The following P2RX4 variants were observed in gnomAD, a reference collection of about 807,000 sequenced individuals.
The protein encoded by P2RX4 is purinergic receptor P2X 4.
A neutral mutation model predicts 48.0 loss-of-function variants in P2RX4; 37 were observed. That is an observed-to-expected ratio of 0.77 (90% CI 0.59 to 1.01). P2RX4 has a LOEUF of 1.01. P2RX4 is among the 50% of genes least tolerant of loss of function. The pLI, the probability that P2RX4 is intolerant of heterozygous loss-of-function variation, is 0.00. For missense variants in P2RX4, 501 were observed against 521.4 expected (o/e 0.96, Z 0.38); for synonymous variants, 200 against 199.7 (o/e 1.00, Z -0.01).
chr12:121,229,033 G>C lies in P2RX4; in HGVS notation c.818G>C (p.Arg273Thr). Residue 273 changes from arginine to threonine, a missense_variant, in exon 8 of 12, where the codon AGG becomes ACG. By Grantham distance (71) the Arg-to-Thr change is moderately conservative. Transcript: ENST00000337233. This position sits in a 1 kb window ranked among gnomAD's most constrained non-coding sequence, Gnocchi z 4.6. ...LDRAASLCLP[R>T]YSFRRLDTRD... The stretch of plus-strand genomic sequence containing the variant: ...AGAGCCGCCTCCCTCTGCTTGCCCA[G>C]GTACTCCTTCCGCCGCCTCGATACA... 6.2e-7 allele frequency: 1 copy of C among 1,614,088 alleles called. No individual in the cohort carries two copies. The highest frequency in any genetic ancestry group is 2.2e-5 in the East Asian group (1 of 44,868).
At chr12:121,222,888 G>C (rs1207580901) in intron 4 of P2RX4, 59 bp from the exon 5 acceptor site, 3 of 1,463,848 alleles carry the variant, frequency 2.0e-6, no homozygotes, top group Non-Finnish European at 2.8e-6. Flanking sequence ...ACTCCAAAAA[G>C]GTAGAAAATA....
chr12:121,215,876 T>A (rs1010055616), intron 1 of P2RX4: 2 of 152,146 alleles, frequency 1.3e-5, no homozygotes, highest in African/African-American at 4.8e-5. Context: ...GTAGTCATAG[T>A]CCCACTTCAG....
chr12:121,222,388 GT>G, intron 4 of P2RX4: 1 of 541,182 alleles, frequency 1.8e-6, no homozygotes, highest in Non-Finnish European at 3.2e-6. Flanking sequence ...TGTTGTTGTT[GT>G]TTTTTCTTGT....
In P2RX4 at chr12:121,233,522, G is replaced by T; in HGVS notation, c.1141-1G>T. 2 of 1,608,046 alleles carry T rather than the reference G, an allele frequency of 1.2e-6. No individual in the cohort carries two copies. The highest frequency in any genetic ancestry group is 2.2e-5 in the South Asian group (2 of 89,864). On this transcript the variant is annotated splice_acceptor_variant, in intron 11 of 11. Transcript: ENST00000337233. LOFTEE classifies it high-confidence loss of function. ...TGATCTGCTTGTGTCCTTCTTTGCA[G>T]GGTCTTGCTAGTGAGCTGGACCAGT...
At position 121,229,447 on chromosome 12, in the gene P2RX4, C is replaced by T. The variant is rs1202921460; in HGVS notation, c.884+348C>T. 1.3e-5 allele frequency among the ~76,000 whole-genome samples: 2 copies of T among 152,210 alleles called. No individual in the cohort carries two copies. Among genetic ancestry groups the T allele is most frequent in the African/African-American group, 4.8e-5 (2 of 41,466 alleles). Reference sequence around the variant, plus strand: ...TCAAGGAGCGGATGATCTTGTGATCCTCCAGTCCAAAGGCCTCTGGGGCCT... The same window carrying T: ...TCAAGGAGCGGATGATCTTGTGATCTTCCAGTCCAAAGGCCTCTGGGGCCT... On this transcript the variant is annotated intron_variant, in intron 8 of 11. Transcript: ENST00000337233. This position sits in a 1 kb window ranked among gnomAD's most constrained non-coding sequence, Gnocchi z 4.6.
intron 5 of P2RX4, among the ~76,000 whole-genome samples, chr12:121,225,412 T>C (rs2942070): frequency 6.6e-6 from 1 of 150,476 alleles, no homozygotes; most frequent in African/African-American, 2.4e-5. Flanking sequence ...TATTTATTTG[T>C]ATTTATTTAT....
chr12:121,228,423 GACAC>G (rs571585680), intron 5 of P2RX4, 106 bp from the exon 6 acceptor site: 1,017 of 445,704 alleles, frequency 2.3e-3, no homozygotes, highest in Middle Eastern at 3.2e-3. Context: ...CACACACACA[GACAC>G]ACACACACAA....
rs372659517 is a variant in P2RX4, at chr12:121,222,375, TG to T, written c.427+210del. 3.3e-3 allele frequency: 1,738 copies of T among 524,034 alleles called. 1 individual carries two copies. The highest frequency in any genetic ancestry group is 4.9e-3 in the South Asian group (191 of 39,062). The allele number at this position is 524,034 out of a possible 1,614,324, so 32.5% of individuals were successfully genotyped here. A position where few individuals can be genotyped will look rare whatever the true frequency, so the allele number is the denominator to read the frequency against. On this transcript the variant is annotated intron_variant, in intron 4 of 11. Transcript: ENST00000337233. ...GCTCTTGCCCTACTGTTTTTTTTTT[TG>T]TTGTTGTTGTTGTTTTTTCTTGTTT...
chr12:121,229,166 G>C lies in P2RX4; in HGVS notation c.884+67G>C, dbSNP rs918346257. On this transcript the variant is annotated intron_variant, in intron 8 of 11. Coordinates refer to ENST00000337233, the MANE Select transcript of P2RX4 (RefSeq NM_002560.3). This position sits in a 1 kb window ranked among gnomAD's most constrained non-coding sequence, Gnocchi z 4.6. The stretch of plus-strand genomic sequence containing the variant: ...GCTGGTGGCTGCGTACGTGCCAGTG[G>C]GCCGCCCACTGAAGACCAGCACTCA... 6.7e-5 allele frequency: 107 copies of C among 1,589,712 alleles called. No individual in the cohort carries two copies. Among genetic ancestry groups the C allele is most frequent in the Non-Finnish European group, 8.1e-5 (94 of 1,159,376 alleles).
chr12:121,212,893 A>G (rs1238832068), intron 1 of P2RX4: 1 of 139,314 alleles, frequency 7.2e-6, no homozygotes, highest in Non-Finnish European at 1.5e-5. Flanking sequence ...TTGGACCTGA[A>G]GCATTTGGGG....
chr12:121,213,263 C>T (rs1399407096), intron 1 of P2RX4: 1 of 151,782 alleles, frequency 6.6e-6, no homozygotes, highest in Admixed American at 6.6e-5. Flanking sequence ...CTTGCCTCTA[C>T]AAAAAAATAC....
chr12:121,224,616 T>TA (rs1281862711), intron 5 of P2RX4, among the ~76,000 whole-genome samples: 1 of 151,430 alleles, frequency 6.6e-6, no homozygotes, highest in East Asian at 1.9e-4. Flanking sequence ...AATAAAAATT[T>TA]AAAAAAATAA....
rs373925289 is a variant in P2RX4 at position 121,210,227 on chromosome 12, G to A, written c.63G>A (p.Val21=). The change falls in exon 1 of 12, where the codon GTG becomes GTA. Residue 21 remains valine, a synonymous_variant. Transcript: ENST00000337233. The part of the protein sequence containing the change: ...FLFEYDTPRI[V]LIRSRKVGLM... ...TCGAGTACGACACGCCGCGCATCGT[G>A]CTCATCCGCAGCCGCAAAGTGGGGC... 2.8e-5 allele frequency: 43 copies of A among 1,562,156 alleles called. No individual in the cohort carries two copies. The highest frequency in any genetic ancestry group is 3.4e-5 in the Non-Finnish European group (39 of 1,158,662).
intron 5 of P2RX4, among the ~76,000 whole-genome samples, chr12:121,226,188 T>A (rs149478937): frequency 2.0e-5 from 3 of 152,234 alleles, no homozygotes; most frequent in African/African-American, 7.2e-5. Context: ...TATACTTTTA[T>A]TGGACATCAC....
rs1887538027 is a variant in P2RX4 at position 121,233,870 on chromosome 12, C to CCTGTCTCCAG, written c.*324_*333dup. ...TGGAGCTGGCTTTGCTCAGAAGCCTCCTGTCTCCAGCTCTCTCCAGGACAG... is the reference window on the plus strand; with the variant it reads ...TGGAGCTGGCTTTGCTCAGAAGCCTCCTGTCTCCAGCTGTCTCCAGCTCTCTCCAGGACAG... On this transcript the variant is annotated 3_prime_UTR_variant, in exon 12 of 12. Coordinates refer to ENST00000337233, the MANE Select transcript of P2RX4 (RefSeq NM_002560.3). 4 of 449,482 alleles carry CCTGTCTCCAG rather than the reference C, an allele frequency of 8.9e-6. No homozygotes were observed. The highest frequency in any genetic ancestry group is 1.6e-5 in the Non-Finnish European group (4 of 244,438). 27.8% of individuals were successfully genotyped at this position (449,482 alleles called of 1,614,324 possible).
chr12:121,218,241 A>G (rs1886357178), intron 2 of P2RX4, among the ~76,000 whole-genome samples: 1 of 152,084 alleles, frequency 6.6e-6, no homozygotes, highest in Non-Finnish European at 1.5e-5. Flanking sequence ...TAATCCCAGC[A>G]CTTTGGGAGG....
intron 5 of P2RX4, among the ~76,000 whole-genome samples, chr12:121,227,098 G>C (rs1238521490): frequency 6.6e-6 from 1 of 150,570 alleles, no homozygotes; most frequent in African/African-American, 2.4e-5. Context: ...ACAGGAGCAA[G>C]ACTCCATCTC....
intron 2 of P2RX4, among the ~76,000 whole-genome samples, chr12:121,217,984 C>G (rs1026790221): frequency 6.6e-6 from 1 of 152,122 alleles, no homozygotes; most frequent in East Asian, 1.9e-4. Context: ...ACCACACAGT[C>G]AAACCCGACA....
At chr12:121,226,730 G>A (rs752222592) in intron 5 of P2RX4, among the ~76,000 whole-genome samples, 10 of 152,168 alleles carry the variant, frequency 6.6e-5, no homozygotes, top group Non-Finnish European at 1.3e-4. Context: ...GTACACAGGT[G>A]TGTGTGTGGG....
Sources: gnomAD v4.1 joint callset for allele counts (sites outside exome capture counted in the v4.1 genomes callset) on GRCh38, gnomAD v4.1.1 for gene constraint, Gnocchi (gnomAD v3.1) non-coding constraint, MANE v1.5 for transcripts, NCBI Gene and HGNC (gene_info 2026-07-23, HGNC 2026-07-21) for gene names.